DGAT2: variants seen among roughly 807,000 people sequenced by gnomAD.
The protein encoded by DGAT2 is acyl-CoA retinol O-fatty-acyltransferase.
DGAT2 carries 33 observed loss-of-function variants against 48.4 expected under a neutral mutation model. The observed-to-expected ratio is 0.68, with a 90% confidence interval of 0.52 to 0.91. DGAT2 has a LOEUF of 0.91. DGAT2 is among the 40% of genes least tolerant of loss of function. The pLI is 0.00. For synonymous variants in DGAT2, 191 were observed against 194.1 expected (o/e 0.98, Z 0.13); for missense variants, 446 against 493.7 (o/e 0.90, Z 0.92).
intron 3 of DGAT2, 124 bp from the exon 4 acceptor site, chr11:75,790,537 A>C: frequency 1.1e-6 from 1 of 943,096 alleles, no homozygotes; most frequent in Non-Finnish European, 1.7e-6. Flanking sequence ...AAGGGGCCTG[A>C]TGGGAAGGGG....
intron 1 of DGAT2, among the ~76,000 whole-genome samples, chr11:75,773,068 T>C (rs188666910): frequency 1.8e-4 from 28 of 152,378 alleles, no homozygotes; most frequent in Non-Finnish European, 1.2e-4. Context: ...TTCTCAGTGC[T>C]GTGACATCTA....
rs572427108 is a variant in DGAT2, at chr11:75,783,585, A to G, written c.122-1033A>G. Among the ~76,000 whole-genome samples the G allele has an allele frequency of 6.6e-5, 10 of 152,336 alleles. 1 individual carries two copies. Among genetic ancestry groups the G allele is most frequent in the Middle Eastern group, 6.8e-3 (2 of 294 alleles). On this transcript the variant is annotated intron_variant, in intron 1 of 7. Transcript: ENST00000228027. ...TTCACAGAGCAGATGGTATGAAGGA[A>G]TATTTAATGGGCACACAGTAGGTGC... is the stretch of plus-strand genomic sequence containing the variant.
At chr11:75,777,647 G>A (rs995289963) in intron 1 of DGAT2, among the ~76,000 whole-genome samples, 1 of 152,146 alleles carries the variant, frequency 6.6e-6, no homozygotes, top group Non-Finnish European at 1.5e-5. Context: ...AGGTTCTCCT[G>A]ACTCTCGGCC....
chr11:75,790,333 AG>A, intron 3 of DGAT2, 38 bp downstream of exon 3: 1 of 1,517,648 alleles, frequency 6.6e-7, no homozygotes, highest in Non-Finnish European at 9.2e-7. Flanking sequence ...CTCTCATTCT[AG>A]GGATGCTCTT....
At chr11:75,797,604 G>T (rs1945071148) in intron 6 of DGAT2, among the ~76,000 whole-genome samples, 1 of 152,218 alleles carries the variant, frequency 6.6e-6, no homozygotes, top group Non-Finnish European at 1.5e-5. Context: ...GGACCACCTG[G>T]GGCCAGAATA....
Position 75,769,004 on chromosome 11 carries a change from A to G in DGAT2, c.13A>G (p.Ile5Val), listed in dbSNP as rs1944728443. The change falls in exon 1 of 8, where the codon ATA becomes GTA. Residue 5 changes from isoleucine to valine, a missense_variant. Transcript: ENST00000228027. Reference protein sequence around the residue: MKTLIAAYSGVLRGE... With the variant: MKTLVAAYSGVLRGE... The stretch of plus-strand genomic sequence containing the variant: ...GCGGGCTTCAGCCATGAAGACCCTC[A>G]TAGCCGCCTACTCCGGGGTCCTGCG... 1 of 1,565,304 alleles carries G rather than the reference A, an allele frequency of 6.4e-7. No individual in the cohort carries two copies. Among genetic ancestry groups the G allele is most frequent in the Non-Finnish European group, 8.6e-7 (1 of 1,157,976 alleles).
chr11:75,768,836 C>T lies in DGAT2; in HGVS notation c.-156C>T, dbSNP rs866456653. On this transcript the variant is annotated 5_prime_UTR_variant, in exon 1 of 8. Coordinates refer to ENST00000228027, the MANE Select transcript of DGAT2 (RefSeq NM_032564.5). ...GTTTCTCTCGCGCCACCACTGGCCGCCGGCCGCAGCTCCAGGTGTCCTAGC... is the reference window on the plus strand; with the variant it reads ...GTTTCTCTCGCGCCACCACTGGCCGTCGGCCGCAGCTCCAGGTGTCCTAGC... 1.4e-4 allele frequency: 142 copies of T among 1,000,484 alleles called. No individual in the cohort carries two copies. The highest frequency in any genetic ancestry group is 8.5e-5 in the African/African-American group (5 of 58,806). The allele number at this position is 1,000,484 out of a possible 1,614,324, so 62.0% of individuals were successfully genotyped here.
intron 5 of DGAT2, 100 bp downstream of exon 5, chr11:75,796,632 G>T: frequency 7.8e-7 from 1 of 1,284,904 alleles, no homozygotes. Flanking sequence ...CCATTCCTTG[G>T]TGCTGGGCCT....
chr11:75,790,520 ATGTGGAAAGGGGCC>A lies in DGAT2; in HGVS notation c.359-138_359-125del, dbSNP rs1430334276. 4 of 875,608 alleles carry A rather than the reference ATGTGGAAAGGGGCC, an allele frequency of 4.6e-6. No homozygotes were observed. In the African/African-American group the frequency reaches 6.6e-5, roughly 14 times the overall value. The allele number at this position is 875,608 out of a possible 1,614,324, so 54.2% of individuals were successfully genotyped here. A position where few individuals can be genotyped will look rare whatever the true frequency, so the allele number is the denominator to read the frequency against. On this transcript the variant is annotated intron_variant, in intron 3 of 7. Coordinates refer to ENST00000228027, the MANE Select transcript of DGAT2 (RefSeq NM_032564.5). ...GGGTTTGCATAACATGAAGGAATGA[ATGTGGAAAGGGGCC>A]TGATGGGAAGGGGGCATGGTGCATG...
In DGAT2 at chr11:75,791,092, G is replaced by T. The variant is rs187425408; in HGVS notation, c.429+361G>T. Among the ~76,000 whole-genome samples the T allele has an allele frequency of 2.3e-4, 35 of 152,378 alleles. 1 individual carries two copies. The East Asian group carries it at 6.6e-3, about 29-fold the overall frequency. On this transcript the variant is annotated intron_variant, in intron 4 of 7. Transcript: ENST00000228027. ...CAGGATCCTGAAGGTTTTCCCCACA[G>T]GGGAAAGACCTGTCTGGCCAGCTCA...
In DGAT2 at chr11:75,798,341, T is replaced by G; in HGVS notation, c.924T>G (p.Gly308=). ...AGAAGAAGTTCCAGAAATACATTGG[T>G]TTCGCCCCATGCATCTTCCATGGTC... ...WVQKKFQKYI[G]FAPCIFHGRG... The change falls in exon 7 of 8, where the codon GGT becomes GGG. Residue 308 remains glycine, a synonymous_variant. Coordinates refer to ENST00000228027, the MANE Select transcript of DGAT2 (RefSeq NM_032564.5). 1 of 1,614,162 alleles carries G rather than the reference T, an allele frequency of 6.2e-7. No individual in the cohort carries two copies. Among genetic ancestry groups the G allele is most frequent in the Non-Finnish European group, 8.5e-7 (1 of 1,180,014 alleles).
At chr11:75,782,033 A>C (rs1488926872) in intron 1 of DGAT2, among the ~76,000 whole-genome samples, 1 of 152,110 alleles carries the variant, frequency 6.6e-6, no homozygotes, top group African/African-American at 2.4e-5. Flanking sequence ...GCGTCAAGGT[A>C]GGGAGCTAGA....
At chr11:75,790,594 C>T (rs1478865733) in intron 3 of DGAT2, 67 bp from the exon 4 acceptor site, 6 of 1,469,468 alleles carry the variant, frequency 4.1e-6, no homozygotes, top group Non-Finnish European at 3.8e-6. Context: ...TCACACTGGC[C>T]CTGTCTTGTC....
intron 1 of DGAT2, among the ~76,000 whole-genome samples, chr11:75,783,593 T>C (rs1944891372): frequency 6.6e-6 from 1 of 152,166 alleles, no homozygotes; most frequent in South Asian, 2.1e-4. Flanking sequence ...GAATATTTAA[T>C]GGGCACACAG....
chr11:75,801,286 C>T lies in DGAT2; in HGVS notation c.*778C>T, dbSNP rs1239033352. ...TACTGGTGGCCTCAGTTTACCTTCC[C>T]CAGATCCTAGATTCTGGATGTGAGG... On this transcript the variant is annotated 3_prime_UTR_variant, in exon 8 of 8. Transcript: ENST00000228027. 2.0e-5 allele frequency: 3 copies of T among 152,600 alleles called. No individual in the cohort carries two copies. Among genetic ancestry groups the T allele is most frequent in the Non-Finnish European group, 4.4e-5 (3 of 68,042 alleles). 9.5% of individuals were successfully genotyped at this position (152,600 alleles called of 1,614,324 possible).
chr11:75,796,967 G>T, intron 5 of DGAT2, 191 bp from the exon 6 acceptor site: 1 of 521,952 alleles, frequency 1.9e-6, no homozygotes. Context: ...ATCATTAGCT[G>T]CATTTTACAG....
chr11:75,796,150 A>G, intron 4 of DGAT2, 178 bp from the exon 5 acceptor site: 4 of 650,992 alleles, frequency 6.1e-6, no homozygotes, highest in Non-Finnish European at 1.1e-5. Context: ...GTGACTGCCC[A>G]ACACCAGCAC....
chr11:75,784,071 G>C (rs950066118), intron 1 of DGAT2, among the ~76,000 whole-genome samples: 19 of 152,134 alleles, frequency 1.2e-4, no homozygotes, highest in Middle Eastern at 3.4e-3. Flanking sequence ...TTGGGGGTGG[G>C]GGCAAGAGGG....
rs1945108776 is a variant in DGAT2, at chr11:75,801,143, C to G, written c.*635C>G. ...ACCCTGCAGGGGAAAGGACTGCCCCCCATGCACCATTGCAGGGAGGATGCC... is the reference window on the plus strand; with the variant it reads ...ACCCTGCAGGGGAAAGGACTGCCCCGCATGCACCATTGCAGGGAGGATGCC... On this transcript the variant is annotated 3_prime_UTR_variant, in exon 8 of 8. Transcript: ENST00000228027. The G allele has an allele frequency of 6.5e-6, 1 of 153,320 alleles. No individual in the cohort carries two copies. The highest frequency in any genetic ancestry group is 6.5e-5 in the Admixed American group (1 of 15,328). 9.5% of individuals were successfully genotyped at this position (153,320 alleles called of 1,614,324 possible).
Sources: gnomAD v4.1 joint callset for allele counts (sites outside exome capture counted in the v4.1 genomes callset) on GRCh38, gnomAD v4.1.1 for gene constraint, MANE v1.5 for transcripts, NCBI Gene and HGNC (gene_info 2026-07-23, HGNC 2026-07-21) for gene names.